The following PLCE1 variants were observed in gnomAD, a reference collection of about 807,000 sequenced individuals.
The protein encoded by PLCE1 is 1-phosphatidylinositol 4,5-bisphosphate phosphodiesterase epsilon-1.
In PLCE1, 119 loss-of-function variants were observed where a neutral mutation model predicts 242.8. The observed-to-expected ratio is 0.49, with a 90% confidence interval of 0.42 to 0.57. The LOEUF (loss-of-function observed/expected upper bound fraction) is 0.57, where lower values mean the gene tolerates loss of function less well. Ranked by LOEUF, PLCE1 falls within the 20% of genes least tolerant of loss-of-function variation. The pLI is 0.00. For missense variants in PLCE1, 2,441 were observed against 2,788.8 expected (o/e 0.88, Z 2.81); for synonymous variants, 945 against 1,017.4 (o/e 0.93, Z 1.35).
At chr10:94,246,729 G>C (rs2050696829) in intron 8 of PLCE1, 108 bp downstream of exon 8, 8 of 1,034,232 alleles carry the variant, frequency 7.7e-6, no homozygotes, top group Non-Finnish European at 1.2e-5. Flanking sequence ...GTTACTACCT[G>C]TGGTGACCTT....
At chr10:94,290,565 T>C (rs1276113356) in intron 22 of PLCE1, among the ~76,000 whole-genome samples, 1 of 151,840 alleles carries the variant, frequency 6.6e-6, no homozygotes, top group African/African-American at 2.4e-5. Flanking sequence ...CTACTGAAGG[T>C]CTTCAGGGAC....
At chr10:94,037,337 T>C (rs992632) in intron 2 of PLCE1, among the ~76,000 whole-genome samples, 62,798 of 152,106 alleles carry the variant, frequency 0.41, 16,421 homozygotes, top group African/African-American at 0.75. Context: ...TCTTCTGAGT[T>C]GTAATTTTTA....
intron 1 of PLCE1, among the ~76,000 whole-genome samples, chr10:94,006,424 T>C (rs2061038259): frequency 6.6e-6 from 1 of 152,202 alleles, no homozygotes; most frequent in African/African-American, 2.4e-5. Flanking sequence ...CCGTGAGCTA[T>C]GGAATCAACA....
At chr10:94,052,654 T>C (rs533510849) in intron 2 of PLCE1, among the ~76,000 whole-genome samples, 57 of 152,296 alleles carry the variant, frequency 3.7e-4, no homozygotes, top group African/African-American at 1.3e-3. Context: ...TCTTTTTTTC[T>C]TTTTTAAGCT....
In PLCE1 at chr10:94,036,135, C is replaced by T. The variant is rs118033872; in HGVS notation, c.1206+3883C>T. On this transcript the variant is annotated intron_variant, in intron 2 of 32. Coordinates refer to ENST00000371380, the MANE Select transcript of PLCE1 (RefSeq NM_016341.4). Reference sequence around the variant, plus strand: ...AGTTTGACCTCTTTGTTTCTAATTACCTTTTTTATAAACTGAGAATAATGG... The same window carrying T: ...AGTTTGACCTCTTTGTTTCTAATTATCTTTTTTATAAACTGAGAATAATGG... Among the ~76,000 whole-genome samples, 9 of 152,292 alleles carry T rather than the reference C, an allele frequency of 5.9e-5. No individual in the cohort carries two copies. In the East Asian group the frequency reaches 1.7e-3, roughly 29 times the overall value.
At chr10:94,250,959 A>G (rs1324107720) in intron 8 of PLCE1, among the ~76,000 whole-genome samples, 1 of 152,210 alleles carries the variant, frequency 6.6e-6, no homozygotes, top group Non-Finnish European at 1.5e-5. Context: ...GCAGGCCTCC[A>G]GCAGATGGAC....
Position 94,233,818 on chromosome 10 carries a change from C to T in PLCE1, c.1956-236C>T, listed in dbSNP as rs571626921. On this transcript the variant is annotated intron_variant, in intron 5 of 32. Transcript: ENST00000371380. Reference sequence around the variant, plus strand: ...TAAAAATTAGCCAGGCATAGTGGCGCGCGCCTATAATCCCAGCTACTAGGG... The same window carrying T: ...TAAAAATTAGCCAGGCATAGTGGCGTGCGCCTATAATCCCAGCTACTAGGG... Among the ~76,000 whole-genome samples, 29 of 152,016 alleles carry T rather than the reference C, an allele frequency of 1.9e-4. No individual in the cohort carries two copies. In the East Asian group the frequency reaches 5.5e-3, roughly 29 times the overall value.
intron 26 of PLCE1, among the ~76,000 whole-genome samples, chr10:94,308,168 TACTTAC>T (rs939718368): frequency 1.3e-5 from 2 of 152,232 alleles, no homozygotes; most frequent in South Asian, 2.1e-4. Flanking sequence ...TTCCATTCTA[TACTTAC>T]ACTTACAGTC....
Position 94,168,621 on chromosome 10 carries a change from G to C in PLCE1, c.1493-2559G>C, listed in dbSNP as rs147734153. 3.3e-5 allele frequency among the ~76,000 whole-genome samples: 5 copies of C among 152,254 alleles called. No homozygotes were observed. In the East Asian group the frequency reaches 9.6e-4, roughly 29 times the overall value. ...CTGTTTCCCACCAGTCACTAGACTT[G>C]TTATTCATTGTAACAGCATGTGATT... On this transcript the variant is annotated intron_variant, in intron 3 of 32. Coordinates refer to ENST00000371380, the MANE Select transcript of PLCE1 (RefSeq NM_016341.4).
intron 3 of PLCE1, among the ~76,000 whole-genome samples, chr10:94,150,704 AAT>A (rs1355857544): frequency 6.6e-6 from 1 of 152,128 alleles, no homozygotes; most frequent in Non-Finnish European, 1.5e-5. Context: ...CTGAGTGATT[AAT>A]TAGAGGGTTA....
rs533359903 is a variant in PLCE1, at chr10:94,328,778, G to T, written c.*835G>T. 2 of 151,694 alleles carry T rather than the reference G, an allele frequency of 1.3e-5. No individual in the cohort carries two copies. The highest frequency in any genetic ancestry group is 2.4e-5 in the African/African-American group (1 of 41,280). 9.4% of individuals were successfully genotyped at this position (151,694 alleles called of 1,614,324 possible). On this transcript the variant is annotated 3_prime_UTR_variant, in exon 33 of 33. Transcript: ENST00000371380. ...TTTTTACATATAGAAATAATATTGG[G>T]TTTTTTTTAAGGTTATTGCCTATTC...
intron 2 of PLCE1, among the ~76,000 whole-genome samples, chr10:94,043,319 C>T (rs766659561): frequency 2.1e-4 from 32 of 152,198 alleles, no homozygotes; most frequent in Non-Finnish European, 4.3e-4. Context: ...TTTGGTTTGC[C>T]TTTCAGGGTG....
Position 94,245,984 on chromosome 10 carries a change from T to A in PLCE1, c.2459T>A (p.Ile820Asn). ...GATTTGTTGGATTCAGACAATGACA[T>A]CTTTGAGCAATCCAAAGAATACGAC... ...IGDLLDSDND[I>N]FEQSKEYDSH... Residue 820 changes from isoleucine (I) to asparagine (N), a missense_variant, in exon 8 of 33, where the codon ATC (isoleucine) becomes AAC (asparagine). Ile to Asn is a moderately radical substitution (Grantham distance 149). This residue lies in a region of PLCE1 where 733 missense variants were observed against 754.2 expected (regional missense o/e 0.97). Transcript: ENST00000371380. The A allele has an allele frequency of 1.2e-6, 2 of 1,614,132 alleles. No individual in the cohort carries two copies. The highest frequency in any genetic ancestry group is 1.6e-4 in the Middle Eastern group (1 of 6,062).
intron 4 of PLCE1, among the ~76,000 whole-genome samples, chr10:94,197,382 G>A (rs2048853141): frequency 6.6e-6 from 1 of 152,136 alleles, no homozygotes; most frequent in Non-Finnish European, 1.5e-5. Context: ...ACAACTCAAT[G>A]TTTAGCATTT....
intron 1 of PLCE1, among the ~76,000 whole-genome samples, chr10:94,004,638 G>A (rs948210351): frequency 1.1e-4 from 17 of 152,160 alleles, no homozygotes; most frequent in Non-Finnish European, 1.0e-4. Flanking sequence ...TGTTGCTTAC[G>A]TGTTGCCCCT....
At chr10:94,138,594 G>A (rs941233850) in intron 3 of PLCE1, 2 of 437,518 alleles carry the variant, frequency 4.6e-6, no homozygotes, top group Admixed American at 5.1e-5. Context: ...GAACATCAAA[G>A]GGCATGTCAA....
At chr10:94,020,069 T>C (rs1300107196) in intron 1 of PLCE1, among the ~76,000 whole-genome samples, 1 of 152,214 alleles carries the variant, frequency 6.6e-6, no homozygotes, top group Non-Finnish European at 1.5e-5. Context: ...TGCTTAACTT[T>C]ATAAGAAACT....
intron 4 of PLCE1, among the ~76,000 whole-genome samples, chr10:94,213,565 A>G (rs2049416267): frequency 6.6e-6 from 1 of 151,800 alleles, no homozygotes; most frequent in Admixed American, 6.6e-5. Context: ...CCCACCCTTC[A>G]CTGCCAACTT....
rs971174494 is a variant in PLCE1, at chr10:94,215,656, G to C, written c.1810-11650G>C. Among the ~76,000 whole-genome samples, 4 of 152,164 alleles carry C rather than the reference G, an allele frequency of 2.6e-5. No homozygotes were observed. The East Asian group carries it at 7.7e-4, about 29-fold the overall frequency. On this transcript the variant is annotated intron_variant, in intron 4 of 32. Coordinates refer to ENST00000371380, the MANE Select transcript of PLCE1 (RefSeq NM_016341.4). ...GTCCAGTTCATTCTTGGATATACAAGATAAGAGCTAGACATTTGGAGCCAG... is the reference window on the plus strand; with the variant it reads ...GTCCAGTTCATTCTTGGATATACAACATAAGAGCTAGACATTTGGAGCCAG...
Sources: gnomAD v4.1 joint callset for allele counts (sites outside exome capture counted in the v4.1 genomes callset) on GRCh38, gnomAD v4.1.1 for gene constraint, gnomAD v4.1.1 regional missense constraint, MANE v1.5 for transcripts, NCBI Gene and HGNC (gene_info 2026-07-23, HGNC 2026-07-21) for gene names.